The following SESN1 variants were observed in gnomAD, a reference collection of about 807,000 sequenced individuals.
SESN1 encodes the protein sestrin 1.
SESN1 carries 30 observed loss-of-function variants against 59.3 expected under a neutral mutation model. That is an observed-to-expected ratio of 0.51 (90% CI 0.38 to 0.69). SESN1 has a LOEUF of 0.69. Ranked by LOEUF, SESN1 falls within the 30% of genes least tolerant of loss-of-function variation. The pLI is 0.00. For synonymous variants in SESN1, 197 were observed against 219.9 expected (o/e 0.90, Z 0.92); for missense variants, 566 against 673.0 (o/e 0.84, Z 1.76).
At chr6:109,019,904 A>C (rs1779983886) in intron 1 of SESN1, among the ~76,000 whole-genome samples, 1 of 152,246 alleles carries the variant, frequency 6.6e-6, no homozygotes, top group Non-Finnish European at 1.5e-5. Flanking sequence ...AATACGCATT[A>C]AAATGTCACA....
chr6:109,071,517 C>T (rs1345397369), intron 1 of SESN1, among the ~76,000 whole-genome samples: 3 of 151,926 alleles, frequency 2.0e-5, no homozygotes, highest in African/African-American at 4.8e-5. Context: ...ATATGGACCC[C>T]GGCAGTCTAG....
At chr6:109,047,390 A>G (rs1409083088) in intron 1 of SESN1, among the ~76,000 whole-genome samples, 3 of 127,102 alleles carry the variant, frequency 2.4e-5, no homozygotes, top group Admixed American at 7.5e-5. Context: ...CCGGGAGGTG[A>G]GGGGCGCCTC....
intron 8 of SESN1, among the ~76,000 whole-genome samples, chr6:108,989,725 C>G (rs747510012): frequency 1.3e-5 from 2 of 152,030 alleles, no homozygotes; most frequent in African/African-American, 4.8e-5. Context: ...GCAGGGGCTG[C>G]GAGGAGAAGG....
At chr6:109,005,602 AAC>A (rs1779716095) in intron 1 of SESN1, among the ~76,000 whole-genome samples, 1 of 152,218 alleles carries the variant, frequency 6.6e-6, no homozygotes, top group South Asian at 2.1e-4. Flanking sequence ...ATGCTTGAGA[AAC>A]AGAGTATTTC....
At chr6:108,994,131 C>G (rs1014345433) in intron 6 of SESN1, among the ~76,000 whole-genome samples, 1 of 144,922 alleles carries the variant, frequency 6.9e-6, no homozygotes, top group African/African-American at 2.6e-5. Flanking sequence ...AAAGCAAGAC[C>G]CTGTTTCTTA....
At chr6:109,066,545 T>C (rs757850623) in intron 1 of SESN1, among the ~76,000 whole-genome samples, 1 of 152,152 alleles carries the variant, frequency 6.6e-6, no homozygotes, top group Non-Finnish European at 1.5e-5. Context: ...ACATGTATCA[T>C]AGCACTGAGA....
In SESN1 at chr6:109,088,600, A is replaced by AT. The variant is rs146648382; in HGVS notation, c.279+5194dup. Among the ~76,000 whole-genome samples, 1,186 of 152,256 alleles carry AT rather than the reference A, an allele frequency of 7.8e-3. 21 individuals are homozygous for AT. Among genetic ancestry groups the AT allele is most frequent in the African/African-American group, 0.027 (1,139 of 41,550 alleles). ...TTAAGCCAATTTACTTTCAGACAAT[A>AT]TTGATTGCTGGCAAACTTATGAAAA... On this transcript the variant is annotated intron_variant, in intron 1 of 9. Coordinates refer to ENST00000436639, the MANE Select transcript of SESN1 (RefSeq NM_014454.3).
At chr6:109,002,432 G>A (rs1357473178) in intron 1 of SESN1, 89 bp from the exon 2 acceptor site, 5 of 983,642 alleles carry the variant, frequency 5.1e-6, no homozygotes, top group Non-Finnish European at 6.4e-6. Context: ...ACAACCAGTC[G>A]AACAGAGACA....
chr6:109,005,971 A>T (rs141379068), intron 1 of SESN1, among the ~76,000 whole-genome samples: 11 of 152,312 alleles, frequency 7.2e-5, no homozygotes, highest in African/African-American at 2.6e-4. Flanking sequence ...GCACCCTAAC[A>T]CTAGTCAATG....
At chr6:108,998,403 T>C in intron 5 of SESN1, 110 bp downstream of exon 5, 2 of 1,311,354 alleles carry the variant, frequency 1.5e-6, no homozygotes, top group Non-Finnish European at 2.1e-6. Flanking sequence ...GGGCCCAATA[T>C]CTCCACAGTC....
chr6:109,022,144 C>A (rs1425463803), intron 1 of SESN1, among the ~76,000 whole-genome samples: 1 of 151,836 alleles, frequency 6.6e-6, no homozygotes, highest in African/African-American at 2.4e-5. Context: ...TAGAGATGCA[C>A]CCATTTGAAG....
intron 2 of SESN1, 43 bp from the exon 3 acceptor site, chr6:109,001,531 G>A (rs916283996): frequency 6.5e-7 from 1 of 1,539,828 alleles, no homozygotes; most frequent in South Asian, 1.1e-5. Flanking sequence ...ATGGTAAATT[G>A]GTGTTAAGGG....
chr6:109,057,831 T>C (rs976978435), intron 1 of SESN1, among the ~76,000 whole-genome samples: 16 of 152,176 alleles, frequency 1.1e-4, no homozygotes, highest in African/African-American at 3.9e-4. Context: ...CAGAAATGTA[T>C]TCTAAGCTGC....
intron 1 of SESN1, among the ~76,000 whole-genome samples, chr6:109,037,538 G>C (rs1346059039): frequency 6.6e-6 from 1 of 152,158 alleles, no homozygotes; most frequent in Non-Finnish European, 1.5e-5. Flanking sequence ...AATAATTACA[G>C]AATTTCAGAG....
intron 1 of SESN1, among the ~76,000 whole-genome samples, chr6:109,066,309 T>C (rs1363456830): frequency 6.6e-6 from 1 of 151,760 alleles, no homozygotes; most frequent in African/African-American, 2.4e-5. Context: ...AGGTTTGCTG[T>C]TTCTTTTTTT....
chr6:108,995,285 A>G (rs917303194), intron 5 of SESN1, among the ~76,000 whole-genome samples: 2 of 152,252 alleles, frequency 1.3e-5, no homozygotes, highest in African/African-American at 4.8e-5. Context: ...TACACAAAGT[A>G]TAAGTGATTT....
chr6:109,000,747 CAA>C (rs1779603450), intron 3 of SESN1, 74 bp from the exon 4 acceptor site: 1 of 1,179,480 alleles, frequency 8.5e-7, no homozygotes, highest in Non-Finnish European at 1.1e-6. Flanking sequence ...TTACAACATG[CAA>C]AAGAGCTAAT....
chr6:109,067,218 G>A (rs970212763), intron 1 of SESN1, among the ~76,000 whole-genome samples: 9 of 152,042 alleles, frequency 5.9e-5, no homozygotes, highest in African/African-American at 2.2e-4. Context: ...CTCCCTATCT[G>A]TAGGTCTCCA....
At chr6:109,071,425 C>T (rs1011667930) in intron 1 of SESN1, among the ~76,000 whole-genome samples, 1 of 150,962 alleles carries the variant, frequency 6.6e-6, no homozygotes, top group African/African-American at 2.4e-5. Context: ...GATGAAGGTC[C>T]TTTTATCTTC....
Sources: gnomAD v4.1 joint callset for allele counts (sites outside exome capture counted in the v4.1 genomes callset) on GRCh38, gnomAD v4.1.1 for gene constraint, MANE v1.5 for transcripts, NCBI Gene and HGNC (gene_info 2026-07-23, HGNC 2026-07-21) for gene names.